Variants in TRPM3 observed in about 807,000 individuals in gnomAD.
TRPM3 encodes the protein transient receptor potential cation channel subfamily M member 3.
In TRPM3, 77 loss-of-function variants were observed where a neutral mutation model predicts 181.2. That is an observed-to-expected ratio of 0.42 (90% CI 0.35 to 0.51). TRPM3 has a LOEUF of 0.51. TRPM3 is among the 20% of genes least tolerant of loss of function. The probability of loss-of-function intolerance (pLI) is 0.01; values close to 1 mark genes in which losing one functional copy is unlikely to be tolerated. For synonymous variants in TRPM3, 745 were observed against 796.4 expected (o/e 0.94, Z 1.09); for missense variants, 1,759 against 2,196.7 (o/e 0.80, Z 3.98).
At chr9:71,197,285 C>A (rs1273172905) in intron 1 of TRPM3, among the ~76,000 whole-genome samples, 2 of 152,014 alleles carry the variant, frequency 1.3e-5, no homozygotes, top group African/African-American at 2.4e-5. Flanking sequence ...GGACATTTCG[C>A]TTGGTTCCAA....
intron 8 of TRPM3, among the ~76,000 whole-genome samples, chr9:70,688,443 C>G (rs999439155): frequency 3.9e-5 from 6 of 152,172 alleles, no homozygotes; most frequent in Admixed American, 2.6e-4. Flanking sequence ...CAACCATCCT[C>G]CCAACCTTCC....
At chr9:70,923,880 A>G (rs2096689041) in intron 1 of TRPM3, among the ~76,000 whole-genome samples, 1 of 149,326 alleles carries the variant, frequency 6.7e-6, no homozygotes, top group African/African-American at 2.5e-5. Flanking sequence ...ACATATATAT[A>G]CACACACACA....
chr9:70,776,443 T>C, intron 7 of TRPM3: 1 of 714,272 alleles, frequency 1.4e-6, no homozygotes, highest in South Asian at 1.5e-5. Flanking sequence ...TTTGCTTTCC[T>C]CTTCCTTTTT....
chr9:71,285,614 G>T (rs139887786), intron 1 of TRPM3, among the ~76,000 whole-genome samples: 1 of 152,284 alleles, frequency 6.6e-6, no homozygotes, highest in African/African-American at 2.4e-5. Flanking sequence ...TCATCTCAGG[G>T]CTACTTAGTC....
intron 1 of TRPM3, among the ~76,000 whole-genome samples, chr9:71,142,654 C>A (rs4744622): frequency 0.87 from 132,207 of 152,138 alleles, 57,991 homozygotes; most frequent in South Asian, 0.94. Flanking sequence ...ATTAACTTCA[C>A]CAAAGGTGAC....
intron 1 of TRPM3, among the ~76,000 whole-genome samples, chr9:71,105,107 A>T (rs1198039318): frequency 6.6e-6 from 1 of 152,224 alleles, no homozygotes; most frequent in East Asian, 1.9e-4. Flanking sequence ...TAAATCAGCT[A>T]TGCTGTATTC....
intron 8 of TRPM3, among the ~76,000 whole-genome samples, chr9:70,700,008 A>G (rs1328658575): frequency 6.6e-6 from 1 of 152,102 alleles, no homozygotes; most frequent in Non-Finnish European, 1.5e-5. Context: ...CGTGAGACAG[A>G]GTCTCGCTGT....
rs1439382914 is a variant in TRPM3 at position 71,096,588 on chromosome 9, ACACT to A, written c.177+24586_177+24589del. ...CACACACACACACACACACACACAC[ACACT>A]CTCTCTCTCTCTCTCTCTCTCTCTC... On this transcript the variant is annotated intron_variant, in intron 1 of 25. Coordinates refer to ENST00000677713, the MANE Select transcript of TRPM3 (RefSeq NM_001366145.2). Among the ~76,000 whole-genome samples the A allele has an allele frequency of 4.9e-3, 478 of 96,866 alleles. 6 individuals are homozygous for A. The East Asian group carries it at 0.083, about 17-fold the overall frequency. The allele number at this position is 96,866 out of a possible 152,430, so 63.5% of individuals were successfully genotyped here. A position where few individuals can be genotyped will look rare whatever the true frequency, so the allele number is the denominator to read the frequency against.
intron 22 of TRPM3, among the ~76,000 whole-genome samples, chr9:70,574,470 G>A (rs2053393693): frequency 1.3e-5 from 2 of 152,112 alleles, no homozygotes; most frequent in Admixed American, 1.3e-4. Flanking sequence ...CACTTCCTCA[G>A]AGAGCCTTTC....
At chr9:71,328,268 A>G (rs2089853741) in intron 1 of TRPM3, among the ~76,000 whole-genome samples, 1 of 152,070 alleles carries the variant, frequency 6.6e-6, no homozygotes, top group Non-Finnish European at 1.5e-5. Context: ...GGTTCACGCC[A>G]TTCTCCTGCC....
At chr9:70,645,243 A>G (rs2058654508) in intron 9 of TRPM3, among the ~76,000 whole-genome samples, 1 of 152,260 alleles carries the variant, frequency 6.6e-6, no homozygotes, top group Non-Finnish European at 1.5e-5. Flanking sequence ...AAGAGCCTGC[A>G]TAACCAAGAC....
intron 8 of TRPM3, among the ~76,000 whole-genome samples, chr9:70,686,541 T>C (rs2066814258): frequency 6.6e-6 from 1 of 151,980 alleles, no homozygotes; most frequent in Admixed American, 6.6e-5. Flanking sequence ...TAACTGTTCA[T>C]AGTGTATACT....
intron 1 of TRPM3, among the ~76,000 whole-genome samples, chr9:70,904,719 T>C (rs899614847): frequency 3.9e-5 from 6 of 152,158 alleles, no homozygotes; most frequent in Admixed American, 1.3e-4. Context: ...AGAATATATA[T>C]TTTTCAGAGG....
At chr9:70,877,883 T>C (rs2095899289) in intron 1 of TRPM3, among the ~76,000 whole-genome samples, 1 of 151,640 alleles carries the variant, frequency 6.6e-6, no homozygotes, top group African/African-American at 2.4e-5. Flanking sequence ...TTTATGATTA[T>C]TCATTAAAAC....
At chr9:70,586,418 G>A (rs2132449114) in intron 22 of TRPM3, among the ~76,000 whole-genome samples, 1 of 152,370 alleles carries the variant, frequency 6.6e-6, no homozygotes, top group South Asian at 2.1e-4. Context: ...AGATAGCTCT[G>A]TTATTTGTAA....
Position 70,932,418 on chromosome 9 carries a change from A to G in TRPM3, c.178-67907T>C, listed in dbSNP as rs571679859. Among the ~76,000 whole-genome samples, 107 of 152,220 alleles carry G rather than the reference A, an allele frequency of 7.0e-4. 1 individual carries two copies. The highest frequency in any genetic ancestry group is 6.4e-3 in the South Asian group (31 of 4,816). On this transcript the variant is annotated intron_variant, in intron 1 of 25. Coordinates refer to ENST00000677713, the MANE Select transcript of TRPM3 (RefSeq NM_001366145.2). ...CTACTCACTGGGAATACAATAATGA[A>G]CAAAAACAGCCACATTCCCTGCTTA...
intron 8 of TRPM3, among the ~76,000 whole-genome samples, chr9:70,701,822 G>C (rs916894265): frequency 6.6e-6 from 1 of 152,138 alleles, no homozygotes; most frequent in Non-Finnish European, 1.5e-5. Context: ...GAAAGCAACT[G>C]CAGTGTCCAC....
intron 1 of TRPM3, among the ~76,000 whole-genome samples, chr9:71,189,359 AT>A (rs2077871136): frequency 6.6e-6 from 1 of 151,812 alleles, no homozygotes. Flanking sequence ...TATATGGTAC[AT>A]TTGTATACGT....
At chr9:71,109,303 T>G (rs1287127042) in intron 1 of TRPM3, among the ~76,000 whole-genome samples, 2 of 151,996 alleles carry the variant, frequency 1.3e-5, no homozygotes, top group Non-Finnish European at 2.9e-5. Flanking sequence ...GTTTGTTTTT[T>G]TTTTTCTGGA....
Sources: gnomAD v4.1 joint callset for allele counts (sites outside exome capture counted in the v4.1 genomes callset) on GRCh38, gnomAD v4.1.1 for gene constraint, MANE v1.5 for transcripts, NCBI Gene and HGNC (gene_info 2026-07-23, HGNC 2026-07-21) for gene names.